The following PIP5K1A variants were observed in gnomAD, a reference collection of about 807,000 sequenced individuals.
The protein encoded by PIP5K1A is phosphatidylinositol 4-phosphate 5-kinase type-1 alpha.
A neutral mutation model predicts 72.9 loss-of-function variants in PIP5K1A; 46 were observed. That is an observed-to-expected ratio of 0.63 (90% CI 0.50 to 0.81). The LOEUF (loss-of-function observed/expected upper bound fraction) is 0.81, where lower values mean the gene tolerates loss of function less well. Ranked by LOEUF, PIP5K1A falls within the 30% of genes least tolerant of loss-of-function variation. The probability of loss-of-function intolerance (pLI) is 0.00; values close to 1 mark genes in which losing one functional copy is unlikely to be tolerated. For synonymous variants in PIP5K1A, 228 were observed against 255.1 expected (o/e 0.89, Z 1.01); for missense variants, 458 against 706.1 (o/e 0.65, Z 3.98).
chr1:151,230,972 C>A (rs1041526191), intron 4 of PIP5K1A, among the ~76,000 whole-genome samples: 1 of 152,130 alleles, frequency 6.6e-6, no homozygotes, highest in Admixed American at 6.6e-5. Flanking sequence ...CCCGTAATCC[C>A]AGAGCTTTGG....
intron 1 of PIP5K1A, among the ~76,000 whole-genome samples, chr1:151,205,025 T>C (rs756528922): frequency 6.6e-6 from 1 of 152,212 alleles, no homozygotes; most frequent in African/African-American, 2.4e-5. Context: ...CTATTAAATA[T>C]TTTATTAGCC....
chr1:151,222,301 G>A (rs587615726), intron 1 of PIP5K1A, among the ~76,000 whole-genome samples: 2 of 152,190 alleles, frequency 1.3e-5, no homozygotes, highest in Non-Finnish European at 1.5e-5. Context: ...ATCACCCTGC[G>A]TGCTCTTGGA....
chr1:151,234,163 G>C (rs1262272441), intron 7 of PIP5K1A, 34 bp from the exon 8 acceptor site: 1 of 1,535,176 alleles, frequency 6.5e-7, no homozygotes, highest in Non-Finnish European at 8.8e-7. Flanking sequence ...CAGCTAAGTT[G>C]TTCTCCTACT....
At chr1:151,212,553 T>A (rs1176587696) in intron 1 of PIP5K1A, among the ~76,000 whole-genome samples, 1 of 151,756 alleles carries the variant, frequency 6.6e-6, no homozygotes, top group Non-Finnish European at 1.5e-5. Context: ...AAAAATTTTC[T>A]GTGACATGGT....
chr1:151,196,985 C>A (rs1026553659), upstream of PIP5K1A, among the ~76,000 whole-genome samples: 3 of 151,772 alleles, frequency 2.0e-5, no homozygotes, highest in South Asian at 4.2e-4. Flanking sequence ...CTCAGCCTCC[C>A]GAGTAGCAGG....
chr1:151,232,388 A>G (rs1228001347), intron 6 of PIP5K1A, 23 bp downstream of exon 6: 3 of 1,542,720 alleles, frequency 1.9e-6, no homozygotes, highest in Non-Finnish European at 2.7e-6. Flanking sequence ...ATATCAGGAC[A>G]CTGTGACTCC....
rs1685114923 is a variant in PIP5K1A at position 151,200,811 on chromosome 1, GGTATTTAT to G, written c.85+1731_85+1738del. 3.4e-5 allele frequency among the ~76,000 whole-genome samples: 4 copies of G among 117,844 alleles called. No homozygotes were observed. The South Asian group carries it at 1.1e-3, about 33-fold the overall frequency. 77.3% of individuals were successfully genotyped at this position (117,844 alleles called of 152,430 possible). A position where few individuals can be genotyped will look rare whatever the true frequency, so the allele number is the denominator to read the frequency against. On this transcript the variant is annotated intron_variant, in intron 1 of 15. Transcript: ENST00000368888. ...AAATAGGATAAAGTAAAAGTGACAG[GGTATTTAT>G]TTATTTATTTATTTATTTATTTATT...
intron 10 of PIP5K1A, among the ~76,000 whole-genome samples, chr1:151,238,854 T>A (rs753849511): frequency 2.6e-5 from 4 of 152,204 alleles, no homozygotes; most frequent in Non-Finnish European, 5.9e-5. Context: ...AGCTCTCCTT[T>A]TATAATAAAT....
intron 4 of PIP5K1A, 40 bp from the exon 5 acceptor site, chr1:151,231,631 T>G: frequency 6.3e-7 from 1 of 1,596,702 alleles, no homozygotes; most frequent in Non-Finnish European, 8.6e-7. Context: ...ATGATCCTAC[T>G]TATACTAGGA....
intron 8 of PIP5K1A, among the ~76,000 whole-genome samples, chr1:151,235,431 C>T (rs1371777609): frequency 6.6e-6 from 1 of 152,192 alleles, no homozygotes; most frequent in African/African-American, 2.4e-5. Flanking sequence ...GAACACTTCC[C>T]ACTGTTGCAC....
chr1:151,216,054 G>T, intron 1 of PIP5K1A: 1 of 936,900 alleles, frequency 1.1e-6, no homozygotes, highest in South Asian at 1.4e-5. Context: ...ACAGTAACTA[G>T]CAGCCAATTC....
In PIP5K1A at chr1:151,231,757, C is replaced by A; in HGVS notation, c.324C>A (p.Val108=). 6.2e-7 allele frequency: 1 copy of A among 1,613,748 alleles called. No individual in the cohort carries two copies. Among genetic ancestry groups the A allele is most frequent in the Non-Finnish European group, 8.5e-7 (1 of 1,179,668 alleles). Reference sequence around the variant, plus strand: ...TGAGTACCAAACCAGAGCGTGATGTCCTCATGCAAGATTTCTACGTGGTTG... The same window carrying A: ...TGAGTACCAAACCAGAGCGTGATGTACTCATGCAAGATTTCTACGTGGTTG... ...GSLSTKPERD[V]LMQDFYVVES... The change falls in exon 5 of 16, where the codon GTC becomes GTA. Residue 108 remains valine, a synonymous_variant. Coordinates refer to ENST00000368888, the MANE Select transcript of PIP5K1A (RefSeq NM_001135638.2).
intron 1 of PIP5K1A, among the ~76,000 whole-genome samples, chr1:151,211,258 A>G (rs1219720426): frequency 6.6e-5 from 10 of 151,682 alleles, no homozygotes; most frequent in Admixed American, 6.6e-4. Flanking sequence ...GGGCTGAGGC[A>G]GGCAGATTGC....
intron 8 of PIP5K1A, among the ~76,000 whole-genome samples, chr1:151,235,716 G>A (rs1044112106): frequency 6.6e-6 from 1 of 152,220 alleles, no homozygotes. Context: ...AGAAGGTAGT[G>A]TTCTCTTCAT....
chr1:151,210,968 A>C (rs1686719498), intron 1 of PIP5K1A, among the ~76,000 whole-genome samples: 1 of 152,188 alleles, frequency 6.6e-6, no homozygotes, highest in Admixed American at 6.5e-5. Context: ...TGTTTGGGCA[A>C]AACTCCAGTT....
chr1:151,230,029 A>G (rs1361427429), intron 4 of PIP5K1A, among the ~76,000 whole-genome samples: 1 of 152,178 alleles, frequency 6.6e-6, no homozygotes, highest in African/African-American at 2.4e-5. Flanking sequence ...CGGAGCTTGC[A>G]GTGAGCCAAG....
chr1:151,232,162 T>C (rs1690178185), intron 5 of PIP5K1A, 86 bp from the exon 6 acceptor site: 2 of 865,466 alleles, frequency 2.3e-6, no homozygotes, highest in Non-Finnish European at 4.0e-6. Flanking sequence ...CCCCCCACCA[T>C]GAGGTGACTC....
chr1:151,219,650 T>C (rs11589120), intron 1 of PIP5K1A, among the ~76,000 whole-genome samples: 127,373 of 151,680 alleles, frequency 0.84, 53,793 homozygotes, highest in Non-Finnish European at 0.87. Context: ...TCCGAGATTG[T>C]ACCATTGCCC....
chr1:151,224,930 T>A (rs1438454015), intron 3 of PIP5K1A, among the ~76,000 whole-genome samples: 1 of 152,188 alleles, frequency 6.6e-6, no homozygotes, highest in Admixed American at 6.6e-5. Flanking sequence ...GACCTGGGAC[T>A]TCAAACTTTC....
Sources: gnomAD v4.1 joint callset for allele counts (sites outside exome capture counted in the v4.1 genomes callset) on GRCh38, gnomAD v4.1.1 for gene constraint, MANE v1.5 for transcripts, NCBI Gene and HGNC (gene_info 2026-07-23, HGNC 2026-07-21) for gene names.